Variants in TRDN observed in about 807,000 individuals in gnomAD.
The protein encoded by TRDN is triadin.
A neutral mutation model predicts 149.7 loss-of-function variants in TRDN; 161 were observed. The observed-to-expected ratio is 1.08, with a 90% CI of 0.95 to 1.23. The LOEUF is 1.23. Ranked by LOEUF, TRDN falls within the 50% of genes most tolerant of loss-of-function variation. The pLI, the probability that TRDN is intolerant of heterozygous loss-of-function variation, is 0.00. For synonymous variants in TRDN, 294 were observed against 250.5 expected (o/e 1.17, Z -1.64); for missense variants, 896 against 823.5 (o/e 1.09, Z -1.08).
chr6:123,373,527 A>G (rs1284142316), intron 19 of TRDN, among the ~76,000 whole-genome samples: 1 of 152,036 alleles, frequency 6.6e-6, no homozygotes, highest in African/African-American at 2.4e-5. Context: ...GTCCTCCAGT[A>G]TTTTTCCTAC....
chr6:123,377,598 G>T, intron 18 of TRDN, 118 bp downstream of exon 18: 1 of 1,202,970 alleles, frequency 8.3e-7, no homozygotes, highest in Non-Finnish European at 1.2e-6. Context: ...AAAAAACACT[G>T]TGAGATGGAA....
intron 37 of TRDN, among the ~76,000 whole-genome samples, chr6:123,253,369 TAG>T (rs1776445031): frequency 6.6e-6 from 1 of 152,106 alleles, no homozygotes; most frequent in South Asian, 2.1e-4. Flanking sequence ...TTGAGATTTG[TAG>T]AGTTTCTAAC....
At chr6:123,601,704 G>T (rs772758526) in intron 1 of TRDN, among the ~76,000 whole-genome samples, 5 of 152,112 alleles carry the variant, frequency 3.3e-5, no homozygotes, top group Non-Finnish European at 5.9e-5. Flanking sequence ...GGCAATCCCA[G>T]TTTTGATCTA....
At chr6:123,327,515 AT>A (rs575502008) in intron 23 of TRDN, among the ~76,000 whole-genome samples, 1 of 151,992 alleles carries the variant, frequency 6.6e-6, no homozygotes, top group African/African-American at 2.4e-5. Context: ...GGATTTCAAA[AT>A]TTTTTTCATA....
At chr6:123,285,977 C>A (rs1190659291) in intron 24 of TRDN, among the ~76,000 whole-genome samples, 2 of 151,984 alleles carry the variant, frequency 1.3e-5, no homozygotes, top group African/African-American at 4.8e-5. Flanking sequence ...CAATATGATA[C>A]CACCTTACTC....
intron 1 of TRDN, among the ~76,000 whole-genome samples, chr6:123,575,953 C>T (rs993125036): frequency 2.0e-5 from 3 of 152,082 alleles, no homozygotes; most frequent in African/African-American, 7.2e-5. Flanking sequence ...ATAAATGAAA[C>T]ATTGCATTCT....
At chr6:123,390,273 G>T (rs1782057853) in intron 13 of TRDN, among the ~76,000 whole-genome samples, 1 of 152,056 alleles carries the variant, frequency 6.6e-6, no homozygotes, top group Admixed American at 6.6e-5. Flanking sequence ...CTACAGACAA[G>T]AAAGCCTCTG....
intron 1 of TRDN, among the ~76,000 whole-genome samples, chr6:123,619,741 G>A (rs1296741336): frequency 6.6e-6 from 1 of 151,946 alleles, no homozygotes; most frequent in Admixed American, 6.6e-5. Context: ...TGAAATAACA[G>A]GAGTTTAAAT....
intron 12 of TRDN, among the ~76,000 whole-genome samples, chr6:123,414,669 C>A (rs1773579814): frequency 1.3e-5 from 2 of 152,066 alleles, no homozygotes; most frequent in South Asian, 4.1e-4. Flanking sequence ...TCTTAAAACA[C>A]ACATTACATT....
chr6:123,582,170 C>A (rs552265901), intron 1 of TRDN, among the ~76,000 whole-genome samples: 1 of 152,100 alleles, frequency 6.6e-6, no homozygotes, highest in Non-Finnish European at 1.5e-5. Flanking sequence ...TGAGACAACT[C>A]GAAATGGGGG....
chr6:123,575,282 G>A (rs1380919694), intron 1 of TRDN, among the ~76,000 whole-genome samples: 1 of 151,880 alleles, frequency 6.6e-6, no homozygotes, highest in African/African-American at 2.4e-5. Context: ...AACACATTAA[G>A]TTGTACCTTT....
At chr6:123,465,120 A>T in intron 9 of TRDN, 137 bp from the exon 10 acceptor site, 2 of 961,930 alleles carry the variant, frequency 2.1e-6, no homozygotes. Context: ...ATTATGCAAA[A>T]AAGAAAGCTA....
At chr6:123,313,233 C>G in intron 24 of TRDN, among the ~76,000 whole-genome samples, 1 of 151,860 alleles carries the variant, frequency 6.6e-6, no homozygotes, top group East Asian at 1.9e-4. Flanking sequence ...AGAATGTGCT[C>G]CTTTAGCTTA....
At chr6:123,526,640 A>T (rs1157863141) in intron 5 of TRDN, among the ~76,000 whole-genome samples, 4 of 152,110 alleles carry the variant, frequency 2.6e-5, no homozygotes, top group African/African-American at 9.7e-5. Context: ...GTGAAATATT[A>T]GACATAAAAA....
chr6:123,523,921 C>T (rs993611190), intron 5 of TRDN, among the ~76,000 whole-genome samples: 2 of 151,994 alleles, frequency 1.3e-5, no homozygotes, highest in African/African-American at 2.4e-5. Flanking sequence ...AACACTGGCT[C>T]GTCAAAAGAA....
intron 1 of TRDN, among the ~76,000 whole-genome samples, chr6:123,571,694 C>T (rs1782588965): frequency 6.6e-6 from 1 of 151,990 alleles, no homozygotes; most frequent in African/African-American, 2.4e-5. Flanking sequence ...GAAATAACCA[C>T]TGTTAATATT....
chr6:123,221,369 T>C (rs1013638615), intron 40 of TRDN, 118 bp downstream of exon 40: 8 of 521,544 alleles, frequency 1.5e-5, no homozygotes, highest in South Asian at 3.5e-5. Flanking sequence ...ATTCTTCATG[T>C]CTATGCTAAA....
At chr6:123,407,209 G>A (rs1223151705) in intron 12 of TRDN, among the ~76,000 whole-genome samples, 4 of 152,142 alleles carry the variant, frequency 2.6e-5, no homozygotes, top group South Asian at 4.1e-4. Context: ...AGTCTACAGA[G>A]TGGGTTTGCA....
At chr6:123,521,657 T>C (rs1779688701) in intron 5 of TRDN, among the ~76,000 whole-genome samples, 1 of 152,138 alleles carries the variant, frequency 6.6e-6, no homozygotes, top group Non-Finnish European at 1.5e-5. Flanking sequence ...TAGACTTCTG[T>C]TGCAGCCCTT....
Sources: gnomAD v4.1 joint callset for allele counts (sites outside exome capture counted in the v4.1 genomes callset) on GRCh38, gnomAD v4.1.1 for gene constraint, MANE v1.5 for transcripts, NCBI Gene and HGNC (gene_info 2026-07-23, HGNC 2026-07-21) for gene names.